CLCA2: variants seen among roughly 807,000 people sequenced by gnomAD.
CLCA2 encodes the protein chloride channel accessory 2, also known as calcium-activated chloride channel regulator 2.
CLCA2 carries 85 observed loss-of-function variants against 82.9 expected under a neutral mutation model. The ratio of observed to expected loss-of-function variants is 1.03; its 90% CI spans 0.86 to 1.23. The LOEUF (loss-of-function observed/expected upper bound fraction) is 1.23, where lower values mean the gene tolerates loss of function less well. Ranked by LOEUF, CLCA2 falls within the 50% of genes most tolerant of loss-of-function variation. The pLI is 0.00. For synonymous variants in CLCA2, 421 were observed against 391.7 expected, an observed-to-expected ratio of 1.07 and a Z score of -0.88; for missense variants, 1,089 against 1,124.8, an observed-to-expected ratio of 0.97 and a Z score of 0.45.
In CLCA2 at chr1:86,440,187, A is replaced by C; in HGVS notation, c.1243A>C (p.Met415Leu). The C allele has an allele frequency of 6.2e-7, 1 of 1,614,120 alleles. No homozygotes were observed. The highest frequency in any genetic ancestry group is 8.5e-7 in the Non-Finnish European group (1 of 1,179,976). The change falls in exon 8 of 14, where the codon ATG (methionine) becomes CTG (leucine). Residue 415 changes from methionine to leucine, a missense_variant. By Grantham distance (15) the Met-to-Leu change is conservative (BLOSUM62 2). Transcript: ENST00000370565. ...KLNGKAYGSVMILVTSGDDKL... is the reference protein window; with the variant it reads ...KLNGKAYGSVLILVTSGDDKL... ...GAATGGAAAAGCTTATGGCTCTGTG[A>C]TGATATTAGTGACCAGCGGAGATGA...
chr1:86,435,368 T>C (rs1662587380), intron 6 of CLCA2, among the ~76,000 whole-genome samples: 2 of 152,238 alleles, frequency 1.3e-5, no homozygotes, highest in African/African-American at 4.8e-5. Flanking sequence ...GAAAAGTTCC[T>C]GCTGGCTACA....
intron 3 of CLCA2, among the ~76,000 whole-genome samples, chr1:86,430,442 G>A (rs996947355): frequency 2.0e-5 from 3 of 152,142 alleles, no homozygotes; most frequent in African/African-American, 4.8e-5. Flanking sequence ...TGCTTGGATA[G>A]CTCAGACAGA....
chr1:86,446,843 A>C (rs896192747), intron 10 of CLCA2, among the ~76,000 whole-genome samples: 2 of 152,052 alleles, frequency 1.3e-5, no homozygotes, highest in Non-Finnish European at 2.9e-5. Context: ...TTTCTTTCAG[A>C]TTTTCTTTTG....
chr1:86,446,973 A>G (rs938832465), intron 10 of CLCA2, among the ~76,000 whole-genome samples: 1 of 152,150 alleles, frequency 6.6e-6, no homozygotes, highest in Non-Finnish European at 1.5e-5. Context: ...CTTGGTCCCT[A>G]GTAGTGTATG....
chr1:86,429,238 A>G, intron 3 of CLCA2, among the ~76,000 whole-genome samples: 1 of 152,196 alleles, frequency 6.6e-6, no homozygotes, highest in East Asian at 1.9e-4. Context: ...GAAGGATAGT[A>G]ATAAGGACAC....
At position 86,447,403 on chromosome 1, in the gene CLCA2, A is replaced by G. The variant is rs202013855; in HGVS notation, c.1714-105A>G. ...TTTGTAGTATTTTAAAAAGTGCAAC[A>G]TCAACAAAACAAGAGCAAAATTCTC... On this transcript the variant is annotated intron_variant, in intron 10 of 13. Transcript: ENST00000370565. 3.3e-6 allele frequency: 4 copies of G among 1,215,090 alleles called. No individual in the cohort carries two copies. In the African/African-American group the frequency reaches 4.5e-5, roughly 14 times the overall value. The allele number at this position is 1,215,090 out of a possible 1,614,324, so 75.3% of individuals were successfully genotyped here.
Position 86,455,076 on chromosome 1 carries a change from T to A in CLCA2, c.2390-9T>A. 3 of 1,454,526 alleles carry A rather than the reference T, an allele frequency of 2.1e-6. No individual in the cohort carries two copies. Among genetic ancestry groups the A allele is most frequent in the East Asian group, 2.3e-5 (1 of 42,602 alleles). 90.1% of individuals were successfully genotyped at this position (1,454,526 alleles called of 1,614,324 possible). ...ACTTAATTTTCCTATTTATATTTTT[T>A]AATTTCAGCTACAAGCTATGAAATA... On this transcript the variant is annotated splice_polypyrimidine_tract_variant and intron_variant, in intron 13 of 13. Coordinates refer to ENST00000370565, the MANE Select transcript of CLCA2 (RefSeq NM_006536.7).
intron 12 of CLCA2, 97 bp from the exon 13 acceptor site, chr1:86,453,272 G>T: frequency 1.2e-6 from 1 of 815,638 alleles, no homozygotes; most frequent in Non-Finnish European, 1.9e-6. Context: ...ATGTAGTAAA[G>T]AAAAAAAGGT....
chr1:86,448,428 C>T, intron 11 of CLCA2: 1 of 152,396 alleles, frequency 6.6e-6, no homozygotes. Context: ...GCATTCAGAG[C>T]CTCGTCATCA....
intron 10 of CLCA2, among the ~76,000 whole-genome samples, chr1:86,444,333 A>C (rs1489258737): frequency 1.3e-5 from 2 of 152,178 alleles, no homozygotes; most frequent in East Asian, 3.9e-4. Context: ...CTTAGAAAAA[A>C]ATCTCTACTT....
At chr1:86,427,547 TACACAC>T (rs146595899) in intron 2 of CLCA2, among the ~76,000 whole-genome samples, 48 of 148,320 alleles carry the variant, frequency 3.2e-4, no homozygotes, top group African/African-American at 5.5e-4. Flanking sequence ...CACACATACA[TACACAC>T]ACACACACAC....
chr1:86,448,065 G>A (rs1662891832), intron 11 of CLCA2: 2 of 426,726 alleles, frequency 4.7e-6, no homozygotes, highest in East Asian at 4.4e-5. Context: ...GGTCATACAG[G>A]AGCAGGCTTC....
chr1:86,442,910 A>AT (rs1662765919), intron 9 of CLCA2, among the ~76,000 whole-genome samples: 2 of 152,244 alleles, frequency 1.3e-5, no homozygotes, highest in African/African-American at 4.8e-5. Flanking sequence ...ATCACAGAGG[A>AT]TTTTTATAAG....
chr1:86,453,750 A>G (rs984450990), intron 13 of CLCA2, 148 bp downstream of exon 13: 1 of 729,318 alleles, frequency 1.4e-6, no homozygotes, highest in Non-Finnish European at 2.2e-6. Flanking sequence ...GAGTCCCAGA[A>G]GGACAGTGTG....
Position 86,443,965 on chromosome 1 carries a change from A to G in CLCA2, c.1667A>G (p.Asn556Ser), listed in dbSNP as rs1398535561. The G allele has an allele frequency of 2.5e-6, 4 of 1,613,762 alleles. No homozygotes were observed. Among genetic ancestry groups the G allele is most frequent in the Non-Finnish European group, 3.4e-6 (4 of 1,179,670 alleles). The change falls in exon 10 of 14, where the codon AAT becomes AGT. Residue 556 changes from asparagine to serine, a missense_variant. By Grantham distance (46) the Asn-to-Ser change is conservative (BLOSUM62 1). Transcript: ENST00000370565. ...TACTACACAAATAATTTTATCACCA[A>G]TCTAACTTTTCGGACAGCTAGTCTT... is the stretch of plus-strand genomic sequence containing the variant. ...RKYYTNNFIT[N>S]LTFRTASLWI...
rs1663060741 is a variant in CLCA2, at chr1:86,455,557, A to G, written c.*30A>G. On this transcript the variant is annotated 3_prime_UTR_variant, in exon 14 of 14. Transcript: ENST00000370565. Reference sequence around the variant, plus strand: ...ATATCCAAAGTGTCTTCCTTCTTAGATATAAGACCCATGGCCTTCGACTAC... The same window carrying G: ...ATATCCAAAGTGTCTTCCTTCTTAGGTATAAGACCCATGGCCTTCGACTAC... 3 of 1,391,746 alleles carry G rather than the reference A, an allele frequency of 2.2e-6. No individual in the cohort carries two copies. In the South Asian group the frequency reaches 5.6e-5, roughly 26 times the overall value. 86.2% of individuals were successfully genotyped at this position (1,391,746 alleles called of 1,614,324 possible).
rs763852595 is a variant in CLCA2, at chr1:86,443,798, A to C, written c.1500A>C (p.Thr500=). 2 of 1,613,036 alleles carry C rather than the reference A, an allele frequency of 1.2e-6. No homozygotes were observed. The highest frequency in any genetic ancestry group is 4.5e-5 in the East Asian group (2 of 44,842). The change falls in exon 10 of 14, where the codon ACA becomes ACC. Residue 500 remains threonine (T), a synonymous_variant. Transcript: ENST00000370565. ...IFQQHIQLES[T]GENVKPHHQL... ...CTTCTCTTTAACAGCTTGAAAGTACAGGTGAAAATGTCAAACCTCACCATC... is the reference window on the plus strand; with the variant it reads ...CTTCTCTTTAACAGCTTGAAAGTACCGGTGAAAATGTCAAACCTCACCATC...
chr1:86,455,655 T>C lies in CLCA2; in HGVS notation c.*128T>C. On this transcript the variant is annotated 3_prime_UTR_variant, in exon 14 of 14. Transcript: ENST00000370565. ...GCATTGAGTTTTTGTACAATACAGA[T>C]AAGATTTTTACATGGTAGATCAACA... The C allele has an allele frequency of 3.8e-6, 2 of 533,186 alleles. No homozygotes were observed. Among genetic ancestry groups the C allele is most frequent in the Non-Finnish European group, 5.9e-6 (2 of 341,334 alleles). The allele number at this position is 533,186 out of a possible 1,614,324, so 33.0% of individuals were successfully genotyped here.
In CLCA2 at chr1:86,428,412, AT is replaced by A; in HGVS notation, c.325-3del. 6.3e-7 allele frequency: 1 copy of A among 1,584,264 alleles called. No homozygotes were observed. Among genetic ancestry groups the A allele is most frequent in the Non-Finnish European group, 8.6e-7 (1 of 1,165,988 alleles). On this transcript the variant is annotated splice_polypyrimidine_tract_variant and splice_region_variant and intron_variant, in intron 2 of 13. Transcript: ENST00000370565. ...AAAGTATTACAAGGCATTTCTTTTA[AT>A]TTAGGCAAATGTCATAGTGACTGAC...
Sources: gnomAD v4.1 joint callset for allele counts (sites outside exome capture counted in the v4.1 genomes callset) on GRCh38, gnomAD v4.1.1 for gene constraint, MANE v1.5 for transcripts, NCBI Gene and HGNC (gene_info 2026-07-23, HGNC 2026-07-21) for gene names.